Variants in ERG observed in about 807,000 individuals in gnomAD.
ERG encodes ETS transcription factor ERG, also known as transcriptional regulator ERG.
In ERG, 9 loss-of-function variants were observed where a neutral mutation model predicts 55.3. The observed-to-expected ratio is 0.16, with a 90% CI of 0.10 to 0.28. The LOEUF (loss-of-function observed/expected upper bound fraction) is 0.28. Among genes scored for constraint, ERG ranks in the 10% least tolerant of loss-of-function variants. The pLI is 1.00. For missense variants in ERG, 434 were observed against 631.6 expected (o/e 0.69, Z 3.35); for synonymous variants, 223 against 237.3 (o/e 0.94, Z 0.55).
intron 2 of ERG, among the ~76,000 whole-genome samples, chr21:38,549,857 A>G (rs2059812784): frequency 6.6e-6 from 1 of 152,186 alleles, no homozygotes; most frequent in African/African-American, 2.4e-5. Flanking sequence ...GATTGTCACT[A>G]CACTAGCTTC....
At position 38,492,094 on chromosome 21, in the gene ERG, T is replaced by G. The variant is rs1008772406; in HGVS notation, c.18+6269A>C. ...TGTTTCTCTGCACAGTAATTCACTA[T>G]GTACAGCTAGGGTGAATAGCAGGAA... On this transcript the variant is annotated intron_variant, in intron 1 of 9. Transcript: ENST00000288319. Among the ~76,000 whole-genome samples the G allele has an allele frequency of 2.0e-5, 3 of 152,230 alleles. No homozygotes were observed. In the East Asian group the frequency reaches 5.8e-4, roughly 29 times the overall value.
At chr21:38,369,441 CT>C in the ERG span, among the ~76,000 whole-genome samples, 1 of 152,118 alleles carries the variant, frequency 6.6e-6, no homozygotes, top group East Asian at 1.9e-4. Context: ...TGTTCATGAC[CT>C]TTGCTCACTT....
intron 2 of ERG, among the ~76,000 whole-genome samples, chr21:38,424,622 C>A (rs756221116): frequency 6.6e-6 from 1 of 152,186 alleles, no homozygotes; most frequent in East Asian, 1.9e-4. Flanking sequence ...TGCTGTGGGG[C>A]GGCACCAGGG....
rs193123184 is a variant in ERG at position 38,563,926 on chromosome 21, G to A, written c.-41+11736C>T. Among the ~76,000 whole-genome samples the A allele has an allele frequency of 1.6e-3, 245 of 152,340 alleles. 2 individuals are homozygous for A. Among genetic ancestry groups the A allele is most frequent in the African/African-American group, 4.5e-3 (188 of 41,576 alleles). ...GGAGCCAGAAATCCAATTCACTCGC[G>A]AGTAAGGTATCGGGAGAGAGTGGTG... On this transcript the variant is annotated intron_variant, in intron 2 of 8. Transcript: ENST00000398897.
intron 1 of ERG, among the ~76,000 whole-genome samples, chr21:38,457,877 G>A (rs1016908477): frequency 6.6e-6 from 1 of 152,192 alleles, no homozygotes; most frequent in African/African-American, 2.4e-5. Context: ...ATGGGGCTAC[G>A]CCTACTTCAA....
chr21:38,552,098 CTTCT>C (rs2059828004), intron 2 of ERG, among the ~76,000 whole-genome samples: 1 of 152,064 alleles, frequency 6.6e-6, no homozygotes, highest in African/African-American at 2.4e-5. Context: ...ATATAATGCC[CTTCT>C]TTGTCTTTTT....
At chr21:38,539,721 G>A (rs1455660831) in intron 2 of ERG, among the ~76,000 whole-genome samples, 1 of 151,986 alleles carries the variant, frequency 6.6e-6, no homozygotes, top group African/African-American at 2.4e-5. Flanking sequence ...AATGGGTCAT[G>A]CTCCTATATG....
At chr21:38,473,472 A>G (rs1467901717) in intron 1 of ERG, among the ~76,000 whole-genome samples, 5 of 151,890 alleles carry the variant, frequency 3.3e-5, no homozygotes, top group Non-Finnish European at 1.5e-5. Context: ...AATTTTAAAT[A>G]AGAAAAAAAT....
intron 2 of ERG, among the ~76,000 whole-genome samples, chr21:38,427,715 A>T (rs932085701): frequency 4.6e-5 from 7 of 152,254 alleles, no homozygotes; most frequent in Non-Finnish European, 8.8e-5. Context: ...TGACCCATAC[A>T]CTACTCTGGT....
chr21:38,477,241 C>A, intron 1 of ERG, among the ~76,000 whole-genome samples: 1 of 151,992 alleles, frequency 6.6e-6, no homozygotes, highest in East Asian at 1.9e-4. Context: ...CTCGCTCAAG[C>A]GATCCACCCA....
intron 3 of ERG, among the ~76,000 whole-genome samples, chr21:38,413,661 G>T (rs150734743): frequency 9.9e-5 from 15 of 152,258 alleles, no homozygotes; most frequent in Admixed American, 5.2e-4. Context: ...TTCTCTGGAT[G>T]AAACCATTCT....
chr21:38,437,220 C>G (rs141328218), intron 2 of ERG, among the ~76,000 whole-genome samples: 2 of 152,042 alleles, frequency 1.3e-5, no homozygotes, highest in African/African-American at 4.8e-5. Context: ...CCATCTCCAT[C>G]GAAGCTAACA....
intron 1 of ERG, among the ~76,000 whole-genome samples, chr21:38,472,750 GCTA>G (rs1352471947): frequency 6.6e-6 from 1 of 152,216 alleles, no homozygotes; most frequent in Non-Finnish European, 1.5e-5. Context: ...ACGTGTCTCA[GCTA>G]CTAAGTTTCT....
chr21:38,521,769 T>G (rs982957059), intron 2 of ERG, among the ~76,000 whole-genome samples: 1 of 152,194 alleles, frequency 6.6e-6, no homozygotes, highest in African/African-American at 2.4e-5. Context: ...CTATACTACT[T>G]GCAACTCTAA....
intron 2 of ERG, among the ~76,000 whole-genome samples, chr21:38,571,482 G>A (rs2059957191): frequency 1.3e-5 from 2 of 151,948 alleles, no homozygotes. Context: ...CTGCACTCCA[G>A]CCTGGGCAAC....
At chr21:38,503,801 G>A (rs149733892) in intron 2 of ERG, among the ~76,000 whole-genome samples, 2 of 152,240 alleles carry the variant, frequency 1.3e-5, no homozygotes, top group South Asian at 2.1e-4. Context: ...TGGGGCTGCC[G>A]CACAATGGAA....
chr21:38,511,147 T>C (rs937744418), intron 2 of ERG, among the ~76,000 whole-genome samples: 1 of 152,172 alleles, frequency 6.6e-6, no homozygotes, highest in Non-Finnish European at 1.5e-5. Context: ...TTAAAGGTAA[T>C]GAATATAAAT....
chr21:38,647,694 C>T (rs1244804449), intron 1 of ERG, among the ~76,000 whole-genome samples: 1 of 152,196 alleles, frequency 6.6e-6, no homozygotes, highest in African/African-American at 2.4e-5. Flanking sequence ...CCTCAGGTGA[C>T]ACAGAAATAC....
In ERG at chr21:38,581,936, A is replaced by G. The variant is rs1284763030; in HGVS notation, c.-127+2908T>C. Among the ~76,000 whole-genome samples the G allele has an allele frequency of 2.6e-5, 4 of 151,222 alleles. No individual in the cohort carries two copies. In the East Asian group the frequency reaches 5.9e-4, roughly 22 times the overall value. ...TGGACGCCTGTAGTCCCAGCTGCTC[A>G]GGAGGCTGAGGCAGGAGAATGGCGT... On this transcript the variant is annotated intron_variant, in intron 1 of 8. Transcript: ENST00000398897.
Sources: gnomAD v4.1 joint callset for allele counts (sites outside exome capture counted in the v4.1 genomes callset) on GRCh38, gnomAD v4.1.1 for gene constraint, MANE v1.5 for transcripts, NCBI Gene and HGNC (gene_info 2026-07-23, HGNC 2026-07-21) for gene names.